Variants in FBXO42 observed in about 807,000 individuals in gnomAD.
The protein encoded by FBXO42 is F-box protein 42, also known as F-box only protein 42.
In FBXO42, 12 loss-of-function variants were observed where a neutral mutation model predicts 71.7. The ratio of observed to expected loss-of-function variants is 0.17; its 90% CI spans 0.11 to 0.27. The LOEUF (loss-of-function observed/expected upper bound fraction) is 0.27, where lower values mean the gene tolerates loss of function less well. FBXO42 is among the 10% of genes least tolerant of loss of function. FBXO42 has a pLI of 1.00. For synonymous variants in FBXO42, 325 were observed against 327.5 expected (o/e 0.99, Z 0.08); for missense variants, 707 against 911.9 (o/e 0.78, Z 2.89).
chr1:16,319,819 G>A (rs1430163672), intron 1 of FBXO42, among the ~76,000 whole-genome samples: 1 of 151,978 alleles, frequency 6.6e-6, no homozygotes, highest in African/African-American at 2.4e-5. Flanking sequence ...GCTAAGGCAG[G>A]AGAATCACTT....
At chr1:16,256,002 T>C (rs2081639257) in intron 5 of FBXO42, among the ~76,000 whole-genome samples, 181 bp from the exon 6 acceptor site, 1 of 152,236 alleles carries the variant, frequency 6.6e-6, no homozygotes. Flanking sequence ...TAAAGTTATC[T>C]TCTTTCAAGT....
chr1:16,287,871 G>A (rs986464162), intron 4 of FBXO42, among the ~76,000 whole-genome samples: 3 of 152,030 alleles, frequency 2.0e-5, no homozygotes, highest in Non-Finnish European at 4.4e-5. Context: ...ATCGCCTGAG[G>A]TCAGGATTAA....
intron 1 of FBXO42, among the ~76,000 whole-genome samples, chr1:16,321,312 T>C (rs1410036544): frequency 4.6e-5 from 7 of 152,200 alleles, no homozygotes; most frequent in Non-Finnish European, 1.0e-4. Context: ...CCAATTTGCA[T>C]AGCCCTTCTT....
At chr1:16,285,030 C>A (rs1240510379) in intron 4 of FBXO42, among the ~76,000 whole-genome samples, 6 of 151,764 alleles carry the variant, frequency 4.0e-5, no homozygotes, top group African/African-American at 1.5e-4. Flanking sequence ...CCTGTAATCC[C>A]AGCTACTCAG....
At chr1:16,293,234 C>T (rs1381189781) in intron 4 of FBXO42, 1 of 152,204 alleles carries the variant, frequency 6.6e-6, no homozygotes, top group Non-Finnish European at 1.5e-5. Flanking sequence ...GATTCTCCTG[C>T]CTCAGCCTCC....
chr1:16,254,500 G>C (rs902452914), intron 6 of FBXO42, among the ~76,000 whole-genome samples: 1 of 152,206 alleles, frequency 6.6e-6, no homozygotes, highest in Non-Finnish European at 1.5e-5. Flanking sequence ...ACAGACTCCT[G>C]GATGGCAGTC....
chr1:16,258,799 C>T (rs11260713), intron 4 of FBXO42, among the ~76,000 whole-genome samples: 3,397 of 152,142 alleles, frequency 0.022, 117 homozygotes, highest in African/African-American at 0.078. Flanking sequence ...TGCAGTGATG[C>T]GATCATGGCT....
intron 4 of FBXO42, among the ~76,000 whole-genome samples, chr1:16,277,909 G>A (rs2081921968): frequency 6.6e-6 from 1 of 151,898 alleles, no homozygotes; most frequent in South Asian, 2.1e-4. Context: ...GGGCTTGGTG[G>A]CATATGTCTA....
intron 4 of FBXO42, among the ~76,000 whole-genome samples, chr1:16,265,678 T>G (rs565942990): frequency 6.6e-6 from 1 of 150,866 alleles, no homozygotes; most frequent in Non-Finnish European, 1.5e-5. Flanking sequence ...AAAAGGCAAA[T>G]TCCATGTTCT....
intron 4 of FBXO42, among the ~76,000 whole-genome samples, chr1:16,269,498 T>C (rs1326374549): frequency 6.6e-6 from 1 of 151,962 alleles, no homozygotes; most frequent in East Asian, 1.9e-4. Flanking sequence ...GCTGAAATTA[T>C]ACATGTGCCA....
chr1:16,347,685 T>C (rs2082663817), intron 1 of FBXO42, among the ~76,000 whole-genome samples: 1 of 151,626 alleles, frequency 6.6e-6, no homozygotes, highest in Non-Finnish European at 1.5e-5. Context: ...TGAAACCCCA[T>C]CTTTACTAAA....
chr1:16,349,742 A>G (rs116102585), intron 1 of FBXO42, among the ~76,000 whole-genome samples: 3,482 of 152,264 alleles, frequency 0.023, 145 homozygotes, highest in African/African-American at 0.079. Context: ...GGCACCTGCA[A>G]TCCCAGTTAC....
Position 16,252,977 on chromosome 1 carries a change from T to C in FBXO42, c.921+119A>G, listed in dbSNP as rs1231690687. The C allele has an allele frequency of 2.4e-6, 2 of 829,396 alleles. No individual in the cohort carries two copies. The highest frequency in any genetic ancestry group is 3.7e-6 in the Non-Finnish European group (2 of 545,212). The allele number at this position is 829,396 out of a possible 1,614,324, so 51.4% of individuals were successfully genotyped here. On this transcript the variant is annotated intron_variant, in intron 8 of 9. Coordinates refer to ENST00000375592, the MANE Select transcript of FBXO42 (RefSeq NM_018994.3). The surrounding 1 kb of genome is among the most constrained non-coding windows in gnomAD (Gnocchi z 4.4). Reference sequence around the variant, plus strand: ...ATACAAAGGCTATACCCAAAAAGCATTCCTTAAATTAAAATGCCATGGAAA... The same window carrying C: ...ATACAAAGGCTATACCCAAAAAGCACTCCTTAAATTAAAATGCCATGGAAA...
chr1:16,260,074 G>A (rs1271327872), intron 4 of FBXO42, among the ~76,000 whole-genome samples: 1 of 152,064 alleles, frequency 6.6e-6, no homozygotes. Context: ...TGGGGATTAC[G>A]GGAAAGTAGC....
chr1:16,330,569 G>A (rs1023768049), intron 1 of FBXO42, among the ~76,000 whole-genome samples: 1 of 152,116 alleles, frequency 6.6e-6, no homozygotes, highest in Non-Finnish European at 1.5e-5. Flanking sequence ...AGCACTTTGG[G>A]AGGTTGAGGC....
At chr1:16,305,304 C>T (rs1173009287) in intron 3 of FBXO42, among the ~76,000 whole-genome samples, 1 of 152,170 alleles carries the variant, frequency 6.6e-6, no homozygotes, top group Non-Finnish European at 1.5e-5. Context: ...AGAAGGACTG[C>T]CTGAGCCGAG....
chr1:16,310,152 C>T (rs1200874964), intron 2 of FBXO42, among the ~76,000 whole-genome samples: 1 of 149,486 alleles, frequency 6.7e-6, no homozygotes, highest in African/African-American at 2.5e-5. Flanking sequence ...CGAGATCACA[C>T]CACTGCACTC....
At chr1:16,294,653 G>T in intron 4 of FBXO42, 130 bp downstream of exon 4, 2 of 828,264 alleles carry the variant, frequency 2.4e-6, no homozygotes, top group Non-Finnish European at 3.8e-6. Flanking sequence ...CATTTACATG[G>T]CACATTAAAC....
intron 4 of FBXO42, among the ~76,000 whole-genome samples, chr1:16,266,197 T>C (rs563356153): frequency 1.6e-4 from 24 of 150,426 alleles, no homozygotes; most frequent in East Asian, 3.9e-4. Context: ...TTAAAAAAAA[T>C]AGAAACATCT....
Sources: allele counts gnomAD v4.1 joint callset (sites outside exome capture counted in the v4.1 genomes callset), GRCh38; gene constraint gnomAD v4.1.1; non-coding constraint Gnocchi (gnomAD v3.1); transcripts MANE v1.5; gene names NCBI Gene and HGNC (gene_info 2026-07-23, HGNC 2026-07-21).